Variants in ROR1 observed in about 807,000 individuals in gnomAD.
ROR1 encodes the protein ROR family WNT receptor 1, also known as inactive tyrosine-protein kinase transmembrane receptor ROR1.
Under a neutral mutation model 78.8 loss-of-function variants are expected in ROR1, and 19 were observed. That is an observed-to-expected ratio of 0.24 (90% CI 0.17 to 0.35). The LOEUF is 0.35. Ranked by LOEUF, ROR1 falls within the 10% of genes least tolerant of loss-of-function variation. The pLI is 1.00. For synonymous variants in ROR1, 386 were observed against 433.6 expected (o/e 0.89, Z 1.36); for missense variants, 917 against 1,177.8 (o/e 0.78, Z 3.24).
intron 1 of ROR1, among the ~76,000 whole-genome samples, chr1:63,841,535 A>C (rs1019145717): frequency 2.0e-5 from 3 of 152,340 alleles, no homozygotes; most frequent in East Asian, 1.9e-4. Flanking sequence ...TCCATGTTAC[A>C]TGTAAGAGTT....
At chr1:64,172,786 A>G (rs1365011710) in intron 8 of ROR1, among the ~76,000 whole-genome samples, 1 of 152,198 alleles carries the variant, frequency 6.6e-6, no homozygotes, top group East Asian at 1.9e-4. Context: ...TTTCTTTCAT[A>G]GTTTTCCACC....
chr1:64,158,417 C>T (rs913429996), intron 7 of ROR1, among the ~76,000 whole-genome samples: 6 of 152,218 alleles, frequency 3.9e-5, no homozygotes, highest in African/African-American at 1.4e-4. Flanking sequence ...ATCAAACTGA[C>T]CCTGACTTCA....
chr1:64,166,725 G>A (rs1650098137), intron 8 of ROR1, among the ~76,000 whole-genome samples: 1 of 152,134 alleles, frequency 6.6e-6, no homozygotes, highest in Non-Finnish European at 1.5e-5. Context: ...GTAGCTCTTT[G>A]GACAGCTCTC....
intron 8 of ROR1, among the ~76,000 whole-genome samples, chr1:64,168,655 T>TATATATATAA (rs1650153113): frequency 6.6e-6 from 1 of 152,262 alleles, no homozygotes; most frequent in Non-Finnish European, 1.5e-5. Flanking sequence ...AAGCTATGAC[T>TATATATATAA]ACAAGTAGTC....
chr1:63,805,393 A>G (rs1644822646), intron 1 of ROR1, among the ~76,000 whole-genome samples: 1 of 152,232 alleles, frequency 6.6e-6, no homozygotes, highest in Non-Finnish European at 1.5e-5. Context: ...AGATGGTAGT[A>G]TAGATCCTTC....
chr1:64,143,034 T>C, intron 7 of ROR1: 1 of 1,093,002 alleles, frequency 9.1e-7, no homozygotes, highest in Non-Finnish European at 1.1e-6. Flanking sequence ...AATTGTTTTC[T>C]GTATGCCTTA....
At position 63,851,776 on chromosome 1, in the gene ROR1, C is replaced by A. The variant is rs769310125; in HGVS notation, c.91+77268C>A. On this transcript the variant is annotated intron_variant, in intron 1 of 8. Coordinates refer to ENST00000371079, the MANE Select transcript of ROR1 (RefSeq NM_005012.4). ...ATGTGCTGGGCAAAGGGGAGAACAC[C>A]TGTATATGAAAAATGATTTGTAATG... 2.6e-5 allele frequency among the ~76,000 whole-genome samples: 4 copies of A among 152,104 alleles called. No individual in the cohort carries two copies. In the East Asian group the frequency reaches 7.7e-4, roughly 29 times the overall value.
chr1:64,030,388 G>A (rs1258710341), intron 2 of ROR1, among the ~76,000 whole-genome samples: 2 of 152,148 alleles, frequency 1.3e-5, no homozygotes, highest in African/African-American at 4.8e-5. Flanking sequence ...ATAACAAAAA[G>A]GTGAAGGAAA....
At chr1:64,143,825 G>A (rs1023295982) in intron 7 of ROR1, among the ~76,000 whole-genome samples, 1 of 152,148 alleles carries the variant, frequency 6.6e-6, no homozygotes, top group Non-Finnish European at 1.5e-5. Flanking sequence ...AGCTGTGTAG[G>A]CCATTGGAGG....
chr1:64,141,472 G>C lies in ROR1; in HGVS notation c.929-933G>C, dbSNP rs114040779. Among the ~76,000 whole-genome samples the C allele has an allele frequency of 3.9e-5, 6 of 152,182 alleles. No homozygotes were observed. In the East Asian group the frequency reaches 1.2e-3, roughly 29 times the overall value. ...AACCATTCACAAGAACCCTGCTTCC[G>C]TGATCCAGTCACCTCCCACCAGGCC... On this transcript the variant is annotated intron_variant, in intron 6 of 8. Transcript: ENST00000371079.
At chr1:63,806,508 G>A (rs1056480462) in intron 1 of ROR1, among the ~76,000 whole-genome samples, 6 of 152,034 alleles carry the variant, frequency 3.9e-5, no homozygotes, top group African/African-American at 1.2e-4. Flanking sequence ...TAGTAGAGAC[G>A]GAGTTTCACT....
intron 2 of ROR1, among the ~76,000 whole-genome samples, chr1:64,025,642 C>G (rs79493910): frequency 6.6e-6 from 1 of 151,362 alleles, no homozygotes; most frequent in African/African-American, 2.4e-5. Flanking sequence ...TATATATATA[C>G]ACACATATAC....
At chr1:63,888,248 C>T (rs1484750857) in intron 1 of ROR1, among the ~76,000 whole-genome samples, 1 of 152,046 alleles carries the variant, frequency 6.6e-6, no homozygotes, top group Non-Finnish European at 1.5e-5. Context: ...TGGGTATCTG[C>T]AAATTAGAAC....
chr1:64,116,236 G>A (rs1648312473), intron 4 of ROR1, among the ~76,000 whole-genome samples: 2 of 152,170 alleles, frequency 1.3e-5, no homozygotes, highest in Non-Finnish European at 2.9e-5. Flanking sequence ...TATCTCCTCA[G>A]ATCAAAAAGC....
chr1:63,786,631 A>C (rs1644690347), intron 1 of ROR1, among the ~76,000 whole-genome samples: 1 of 145,710 alleles, frequency 6.9e-6, no homozygotes, highest in Non-Finnish European at 1.5e-5. Flanking sequence ...TGTTGGGGTT[A>C]AAACTATGTA....
intron 1 of ROR1, among the ~76,000 whole-genome samples, chr1:63,812,768 T>G (rs983017294): frequency 6.6e-6 from 1 of 152,222 alleles, no homozygotes. Flanking sequence ...AGCACTTTAT[T>G]AAGAGCTTTA....
chr1:63,999,077 C>T (rs1570037345), intron 1 of ROR1, among the ~76,000 whole-genome samples: 1 of 152,208 alleles, frequency 6.6e-6, no homozygotes, highest in East Asian at 1.9e-4. Context: ...TTTTTCTTCC[C>T]AGTCTCGGGT....
chr1:63,983,591 G>C (rs980260841), intron 1 of ROR1, among the ~76,000 whole-genome samples: 2 of 152,186 alleles, frequency 1.3e-5, no homozygotes, highest in Non-Finnish European at 2.9e-5. Flanking sequence ...CGGTAAGGCA[G>C]GAGTGTGGCT....
At chr1:64,014,713 CTATA>C (rs112423773) in intron 2 of ROR1, among the ~76,000 whole-genome samples, 2,271 of 29,024 alleles carry the variant, frequency 0.078, 227 homozygotes, top group African/African-American at 0.16. Context: ...TGCTGACAGA[CTATA>C]TATATATATA....
Sources: gnomAD v4.1 joint callset for allele counts (sites outside exome capture counted in the v4.1 genomes callset) on GRCh38, gnomAD v4.1.1 for gene constraint, MANE v1.5 for transcripts, NCBI Gene and HGNC (gene_info 2026-07-23, HGNC 2026-07-21) for gene names.